The following FMNL2 variants were observed in gnomAD, a reference collection of about 807,000 sequenced individuals.
The protein encoded by FMNL2 is formin-like protein 2.
Under a neutral mutation model 130.2 loss-of-function variants are expected in FMNL2, and 51 were observed. The observed-to-expected ratio is 0.39, with a 90% CI of 0.31 to 0.49. The LOEUF is 0.49. Among genes scored for constraint, FMNL2 ranks in the 20% least tolerant of loss-of-function variants. The pLI is 0.85. For synonymous variants in FMNL2, 465 were observed against 467.1 expected (o/e 1.00, Z 0.06); for missense variants, 977 against 1,316.2 (o/e 0.74, Z 3.99).
chr2:152,517,929 G>C (rs1692866483), intron 1 of FMNL2, among the ~76,000 whole-genome samples: 1 of 152,184 alleles, frequency 6.6e-6, no homozygotes, highest in African/African-American at 2.4e-5. Context: ...CACTAAGAGT[G>C]GGTGAGGTAG....
intron 1 of FMNL2, among the ~76,000 whole-genome samples, chr2:152,473,526 C>T (rs1266173807): frequency 6.6e-6 from 1 of 152,060 alleles, no homozygotes; most frequent in African/African-American, 2.4e-5. Flanking sequence ...TTTTAGTGTA[C>T]TGAGATGGTC....
At chr2:152,612,680 A>G (rs551348912) in intron 11 of FMNL2, among the ~76,000 whole-genome samples, 3 of 152,176 alleles carry the variant, frequency 2.0e-5, no homozygotes, top group Admixed American at 6.5e-5. Context: ...CAGTGGTGCA[A>G]TCTTGGCTCA....
At chr2:152,546,323 G>A (rs1017699041) in intron 3 of FMNL2, among the ~76,000 whole-genome samples, 7 of 152,070 alleles carry the variant, frequency 4.6e-5, no homozygotes, top group Non-Finnish European at 1.0e-4. Flanking sequence ...TGAGGGCCTC[G>A]GGGTTTACAA....
intron 5 of FMNL2, among the ~76,000 whole-genome samples, chr2:152,559,259 G>C (rs1224140761): frequency 6.6e-6 from 1 of 152,152 alleles, no homozygotes; most frequent in Non-Finnish European, 1.5e-5. Flanking sequence ...ACCAAACGTA[G>C]TGGCACTGGA....
intron 1 of FMNL2, among the ~76,000 whole-genome samples, chr2:152,453,219 G>T (rs970976859): frequency 7.0e-6 from 1 of 142,186 alleles, no homozygotes. Flanking sequence ...GGGGGTGGGG[G>T]TGGGGGTGGG....
At position 152,517,950 on chromosome 2, in the gene FMNL2, G is replaced by T. The variant is rs77028764; in HGVS notation, c.118-3993G>T. 5.0e-3 allele frequency among the ~76,000 whole-genome samples: 762 copies of T among 152,302 alleles called. 8 individuals carry two copies. Among genetic ancestry groups the T allele is most frequent in the African/African-American group, 0.017 (704 of 41,550 alleles). ...GAGTGGGTGAGGTAGAGTTGTCACC[G>T]TGTTAGGAAGACTCGGAAATTGATT... On this transcript the variant is annotated intron_variant, in intron 1 of 25. Coordinates refer to ENST00000288670, the MANE Select transcript of FMNL2 (RefSeq NM_052905.4).
intron 1 of FMNL2, among the ~76,000 whole-genome samples, chr2:152,437,708 G>T (rs186451694): frequency 3.3e-5 from 5 of 152,252 alleles, no homozygotes; most frequent in Admixed American, 2.0e-4. Flanking sequence ...GGATACCATG[G>T]TACCTTGATA....
intron 1 of FMNL2, among the ~76,000 whole-genome samples, chr2:152,447,051 T>A (rs1179917978): frequency 2.0e-5 from 3 of 151,194 alleles, no homozygotes; most frequent in Admixed American, 6.6e-5. Flanking sequence ...GAGAAGAGTT[T>A]AAAAAAAAGA....
At chr2:152,586,995 G>C (rs2043741) in intron 9 of FMNL2, among the ~76,000 whole-genome samples, 152,257 of 152,268 alleles carry the variant, frequency 1, 76,123 homozygotes, top group Middle Eastern at 1. Flanking sequence ...TCTGGAGGCT[G>C]TTTCACCCAC....
At chr2:152,501,034 A>G (rs906125087) in intron 1 of FMNL2, among the ~76,000 whole-genome samples, 2 of 152,210 alleles carry the variant, frequency 1.3e-5, no homozygotes, top group African/African-American at 2.4e-5. Flanking sequence ...AGGGCTTCCA[A>G]ATTTTCATGA....
intron 1 of FMNL2, among the ~76,000 whole-genome samples, chr2:152,379,361 T>C (rs1241590692): frequency 6.6e-6 from 1 of 152,362 alleles, no homozygotes; most frequent in Admixed American, 6.5e-5. Context: ...ATAGTCTTCT[T>C]GCAGTAACTT....
intron 1 of FMNL2, among the ~76,000 whole-genome samples, chr2:152,380,197 T>C (rs1045465944): frequency 3.3e-5 from 5 of 152,206 alleles, no homozygotes; most frequent in Admixed American, 3.3e-4. Flanking sequence ...GCATCTAGCA[T>C]GGTACCTGGC....
At chr2:152,429,193 A>G (rs1687352095) in intron 1 of FMNL2, among the ~76,000 whole-genome samples, 1 of 149,994 alleles carries the variant, frequency 6.7e-6, no homozygotes, top group Non-Finnish European at 1.5e-5. Flanking sequence ...GAAGTTGGAA[A>G]TTTAAAAAAG....
chr2:152,590,980 C>CTTTTTTT (rs1158391663), intron 9 of FMNL2, among the ~76,000 whole-genome samples: 24 of 65,786 alleles, frequency 3.6e-4, no homozygotes, highest in Non-Finnish European at 5.7e-4. Context: ...CCTCTGATAA[C>CTTTTTTT]TTTTTTTTTT....
chr2:152,613,559 A>G (rs2105874244), intron 11 of FMNL2, among the ~76,000 whole-genome samples: 1 of 152,360 alleles, frequency 6.6e-6, no homozygotes, highest in East Asian at 1.9e-4. Context: ...ACCTAGGGGA[A>G]AATCCATTTT....
chr2:152,598,436 C>T (rs936067723), intron 9 of FMNL2, among the ~76,000 whole-genome samples: 1 of 152,106 alleles, frequency 6.6e-6, no homozygotes, highest in Non-Finnish European at 1.5e-5. Flanking sequence ...TGCCTGTAAT[C>T]CCAGCACTTT....
intron 1 of FMNL2, among the ~76,000 whole-genome samples, chr2:152,453,084 C>T (rs1367284181): frequency 1.3e-5 from 2 of 151,958 alleles, no homozygotes; most frequent in Non-Finnish European, 2.9e-5. Context: ...CACCTGTAAC[C>T]CCAGCTACTC....
intron 1 of FMNL2, among the ~76,000 whole-genome samples, chr2:152,504,771 C>A (rs1692062360): frequency 6.6e-6 from 1 of 152,026 alleles, no homozygotes; most frequent in Admixed American, 6.6e-5. Flanking sequence ...GATGTAGATT[C>A]CTGGGCCCAG....
chr2:152,360,208 A>G (rs1319887154), intron 1 of FMNL2, among the ~76,000 whole-genome samples: 1 of 152,238 alleles, frequency 6.6e-6, no homozygotes, highest in Non-Finnish European at 1.5e-5. Context: ...GTTGAATAGT[A>G]AGTGAATGAG....
Sources: gnomAD v4.1 joint callset for allele counts (sites outside exome capture counted in the v4.1 genomes callset) on GRCh38, gnomAD v4.1.1 for gene constraint, MANE v1.5 for transcripts, NCBI Gene and HGNC (gene_info 2026-07-23, HGNC 2026-07-21) for gene names.